MB21D2: variants seen among roughly 807,000 people sequenced by gnomAD.
MB21D2 encodes nucleotidyltransferase MB21D2.
In MB21D2, 9 loss-of-function variants were observed where a neutral mutation model predicts 33.3. The ratio of observed to expected loss-of-function variants is 0.27; its 90% CI spans 0.16 to 0.47. The LOEUF (loss-of-function observed/expected upper bound fraction) is 0.47, where lower values mean the gene tolerates loss of function less well. Among genes scored for constraint, MB21D2 ranks in the 20% least tolerant of loss-of-function variants. The pLI, the probability that MB21D2 is intolerant of heterozygous loss-of-function variation, is 0.99. For synonymous variants in MB21D2, 241 were observed against 236.3 expected, an observed-to-expected ratio of 1.02 and a Z score of -0.18; for missense variants, 540 against 624.6, an observed-to-expected ratio of 0.86 and a Z score of 1.44.
intron 1 of MB21D2, among the ~76,000 whole-genome samples, chr3:192,911,820 C>G (rs1398435486): frequency 6.6e-6 from 1 of 152,102 alleles, no homozygotes; most frequent in Non-Finnish European, 1.5e-5. Flanking sequence ...TTGGAGAGAT[C>G]CCCTGCCCTG....
At chr3:192,823,524 G>A (rs535717975) in intron 1 of MB21D2, among the ~76,000 whole-genome samples, 63 of 152,172 alleles carry the variant, frequency 4.1e-4, no homozygotes, top group African/African-American at 8.9e-4. Flanking sequence ...GTGTGGTGGC[G>A]CATGCCTGTA....
chr3:192,840,250 G>A (rs575930435), intron 1 of MB21D2, among the ~76,000 whole-genome samples: 1 of 152,058 alleles, frequency 6.6e-6, no homozygotes, highest in African/African-American at 2.4e-5. Flanking sequence ...CTGCAGAAAA[G>A]GGCAAATAAC....
intron 1 of MB21D2, among the ~76,000 whole-genome samples, chr3:192,823,840 T>TA (rs970610818): frequency 1.2e-4 from 18 of 150,244 alleles, no homozygotes; most frequent in South Asian, 1.1e-3. Context: ...ATTAACAGAG[T>TA]AAAAAAAAAA....
chr3:192,863,696 T>C (rs1026945033), intron 1 of MB21D2, among the ~76,000 whole-genome samples: 9 of 152,254 alleles, frequency 5.9e-5, no homozygotes, highest in South Asian at 2.1e-4. Flanking sequence ...GTGATGATTA[T>C]TGGGAGATGG....
intron 1 of MB21D2, among the ~76,000 whole-genome samples, chr3:192,832,134 G>A (rs996939904): frequency 6.6e-6 from 1 of 152,218 alleles, no homozygotes; most frequent in Non-Finnish European, 1.5e-5. Context: ...CCCTTGCCTA[G>A]AGACTCTGAT....
At chr3:192,893,292 T>C (rs766905403) in intron 1 of MB21D2, among the ~76,000 whole-genome samples, 2 of 152,196 alleles carry the variant, frequency 1.3e-5, no homozygotes, top group Non-Finnish European at 2.9e-5. Context: ...AAACATTTCC[T>C]TGAAATATAA....
intron 1 of MB21D2, among the ~76,000 whole-genome samples, chr3:192,819,268 A>G (rs1369870803): frequency 6.6e-6 from 1 of 152,228 alleles, no homozygotes; most frequent in East Asian, 1.9e-4. Flanking sequence ...TTAATCCTCA[A>G]TTGACAAGAA....
At chr3:192,828,100 C>A (rs889670610) in intron 1 of MB21D2, among the ~76,000 whole-genome samples, 5 of 152,066 alleles carry the variant, frequency 3.3e-5, no homozygotes, top group African/African-American at 1.2e-4. Flanking sequence ...GCCTCCCCAG[C>A]CATGTGGAAC....
chr3:192,841,729 T>G (rs1712576715), intron 1 of MB21D2, among the ~76,000 whole-genome samples: 1 of 152,242 alleles, frequency 6.6e-6, no homozygotes, highest in African/African-American at 2.4e-5. Flanking sequence ...ATTTGTTGTT[T>G]TACAGTGTGG....
chr3:192,807,373 G>A (rs1040645754), intron 1 of MB21D2, among the ~76,000 whole-genome samples: 26 of 150,816 alleles, frequency 1.7e-4, no homozygotes, highest in Non-Finnish European at 3.7e-4. Flanking sequence ...GAGTAATGGT[G>A]TTAAACAGCT....
At chr3:192,844,303 T>A (rs1022509326) in intron 1 of MB21D2, among the ~76,000 whole-genome samples, 18 of 152,322 alleles carry the variant, frequency 1.2e-4, no homozygotes, top group African/African-American at 4.1e-4. Flanking sequence ...TGTAGACAGC[T>A]TTGGCTGCCC....
chr3:192,891,172 T>A (rs1224698433), intron 1 of MB21D2, among the ~76,000 whole-genome samples: 1 of 152,172 alleles, frequency 6.6e-6, no homozygotes, highest in East Asian at 1.9e-4. Context: ...TATTATGCAA[T>A]TTTTCATGAG....
rs368179622 is a variant in MB21D2, at chr3:192,798,505, G to A, written c.1357C>T (p.Arg453Cys). The A allele has an allele frequency of 3.1e-6, 5 of 1,613,990 alleles. No homozygotes were observed. Among genetic ancestry groups the A allele is most frequent in the African/African-American group, 2.7e-5 (2 of 74,900 alleles). Residue 453 changes from arginine (R) to cysteine (C), a missense_variant, in exon 2 of 2, where the codon CGT (arginine) becomes TGT (cysteine). Transcript: ENST00000392452. This position sits in a 1 kb window ranked among gnomAD's most constrained non-coding sequence, Gnocchi z 4.8. The part of the protein sequence containing the change: ...DGGDPNQPDD[R>C]LAKKLQQLVT... ...AGCTGCTGCAGTTTTTTTGCCAAACGGTCATCAGGCTGGTTGGGGTCCCCT... is the reference window on the plus strand; with the variant it reads ...AGCTGCTGCAGTTTTTTTGCCAAACAGTCATCAGGCTGGTTGGGGTCCCCT...
rs756657448 is a variant in MB21D2, at chr3:192,892,378, T to C, written c.211+25252A>G. On this transcript the variant is annotated intron_variant, in intron 1 of 1. Coordinates refer to ENST00000392452, the MANE Select transcript of MB21D2 (RefSeq NM_178496.4). The stretch of plus-strand genomic sequence containing the variant: ...AGGTTATGACCTTGCCTGCCTCTAG[T>C]AGCAAATACATGCTACAGAGAAAGG... 1.2e-3 allele frequency among the ~76,000 whole-genome samples: 184 copies of C among 152,346 alleles called. 3 individuals are homozygous for C. The Middle Eastern group carries it at 0.014, about 11-fold the overall frequency.
Position 192,798,835 on chromosome 3 carries a change from G to A in MB21D2, c.1027C>T (p.Leu343Phe). The A allele has an allele frequency of 6.2e-7, 1 of 1,612,130 alleles. No individual in the cohort carries two copies. The highest frequency in any genetic ancestry group is 8.5e-7 in the Non-Finnish European group (1 of 1,179,494). The part of the protein sequence containing the change: ...RSMMLWACDR[L>F]PANYLAQEDY... ...TCTTGAGCCAAGTAGTTGGCAGGAAGTCTGTCGCAGGCCCAGAGCATCATG... is the reference window on the plus strand; with the variant it reads ...TCTTGAGCCAAGTAGTTGGCAGGAAATCTGTCGCAGGCCCAGAGCATCATG... The change falls in exon 2 of 2, where the codon CTT becomes TTT. Residue 343 changes from leucine (L) to phenylalanine (F), a missense_variant. By Grantham distance (22) the Leu-to-Phe change is conservative. Coordinates refer to ENST00000392452, the MANE Select transcript of MB21D2 (RefSeq NM_178496.4). This position sits in a 1 kb window ranked among gnomAD's most constrained non-coding sequence, Gnocchi z 4.8.
chr3:192,889,744 A>G (rs1309937379), intron 1 of MB21D2, among the ~76,000 whole-genome samples: 1 of 152,158 alleles, frequency 6.6e-6, no homozygotes, highest in Non-Finnish European at 1.5e-5. Context: ...TAAAGATGTG[A>G]AAAGTGTTTT....
intron 1 of MB21D2, among the ~76,000 whole-genome samples, chr3:192,842,439 T>C (rs1349231625): frequency 1.3e-5 from 2 of 152,318 alleles, no homozygotes; most frequent in East Asian, 3.9e-4. Context: ...ATACAATGCA[T>C]TGCACCACAA....
chr3:192,820,774 T>C (rs1013238214), intron 1 of MB21D2, among the ~76,000 whole-genome samples: 15 of 152,170 alleles, frequency 9.9e-5, no homozygotes, highest in Non-Finnish European at 2.1e-4. Context: ...CCCCCAAATC[T>C]TATTTTCTGA....
intron 1 of MB21D2, among the ~76,000 whole-genome samples, chr3:192,833,597 T>C (rs960882206): frequency 6.6e-6 from 1 of 152,138 alleles, no homozygotes; most frequent in African/African-American, 2.4e-5. Flanking sequence ...GGCTACGAAG[T>C]CAGAGCACAA....
Sources: allele counts gnomAD v4.1 joint callset (sites outside exome capture counted in the v4.1 genomes callset), GRCh38; gene constraint gnomAD v4.1.1; non-coding constraint Gnocchi (gnomAD v3.1); transcripts MANE v1.5; gene names NCBI Gene and HGNC (gene_info 2026-07-23, HGNC 2026-07-21).